The following SND1 variants were observed in gnomAD, a reference collection of about 807,000 sequenced individuals.
SND1 encodes staphylococcal nuclease domain-containing protein 1.
SND1 carries 38 observed loss-of-function variants against 121.7 expected under a neutral mutation model. That is an observed-to-expected ratio of 0.31 (90% CI 0.24 to 0.41). The LOEUF (loss-of-function observed/expected upper bound fraction) is 0.41. Ranked by LOEUF, SND1 falls within the 10% of genes least tolerant of loss-of-function variation. The pLI is 1.00. For synonymous variants in SND1, 401 were observed against 447.4 expected, an observed-to-expected ratio of 0.90 and a Z score of 1.31; for missense variants, 868 against 1,184.6, an observed-to-expected ratio of 0.73 and a Z score of 3.92.
In SND1 at chr7:127,652,439, C is replaced by T. The variant is rs774366494; in HGVS notation, c.66C>T (p.Gly22=). ...CCGCGGTCCCCACCGTGCAGCGGGG[C>T]ATCATCAAGATGGTGAGAACGGGCC... is the stretch of plus-strand genomic sequence containing the variant. ...GGPAVPTVQR[G]IIKMVLSGCA... The change falls in exon 1 of 24, where the codon GGC becomes GGT. Residue 22 remains glycine, a synonymous_variant. Transcript: ENST00000354725. 2.4e-5 allele frequency: 38 copies of T among 1,573,862 alleles called. No homozygotes were observed. Among genetic ancestry groups the T allele is most frequent in the Non-Finnish European group, 8.6e-7 (1 of 1,158,282 alleles).
chr7:127,707,774 T>A (rs1197435933), intron 9 of SND1, 127 bp downstream of exon 9: 2 of 374,562 alleles, frequency 5.3e-6, no homozygotes, highest in South Asian at 7.4e-5. Flanking sequence ...GGAGTGTGTG[T>A]GTGTGTGTGT....
chr7:127,778,735 A>G (rs1265111808), intron 10 of SND1, among the ~76,000 whole-genome samples: 1 of 152,172 alleles, frequency 6.6e-6, no homozygotes, highest in Non-Finnish European at 1.5e-5. Flanking sequence ...CTTATGCATA[A>G]TAGACATTTG....
At chr7:127,894,246 A>G (rs1391259083) in intron 13 of SND1, among the ~76,000 whole-genome samples, 13 of 152,164 alleles carry the variant, frequency 8.5e-5, no homozygotes, top group Admixed American at 7.9e-4. Flanking sequence ...AATTCCATTG[A>G]ATGAAGAGCT....
At chr7:127,905,490 C>T (rs749244426) in intron 14 of SND1, among the ~76,000 whole-genome samples, 17 of 152,038 alleles carry the variant, frequency 1.1e-4, no homozygotes, top group Non-Finnish European at 2.5e-4. Flanking sequence ...TTGTTGAGTG[C>T]CTGCTGTATG....
chr7:127,697,071 G>A (rs955923617), intron 3 of SND1, among the ~76,000 whole-genome samples: 1 of 152,136 alleles, frequency 6.6e-6, no homozygotes, highest in Non-Finnish European at 1.5e-5. Flanking sequence ...TATGATGGGA[G>A]AGAATGGTAA....
intron 16 of SND1, among the ~76,000 whole-genome samples, chr7:128,064,250 G>C (rs1452681142): frequency 1.3e-5 from 2 of 152,146 alleles, no homozygotes; most frequent in Non-Finnish European, 2.9e-5. Context: ...GTAAGTAGTA[G>C]AGCAAGCGCA....
intron 10 of SND1, among the ~76,000 whole-genome samples, chr7:127,797,663 T>C (rs919450457): frequency 6.6e-6 from 1 of 152,230 alleles, no homozygotes. Context: ...TCAGTGGGTG[T>C]GGGAGCCACT....
chr7:127,670,717 G>T (rs1018860561), intron 1 of SND1, among the ~76,000 whole-genome samples: 1 of 150,794 alleles, frequency 6.6e-6, no homozygotes, highest in Non-Finnish European at 1.5e-5. Flanking sequence ...GTCTCACTTT[G>T]TTGACCTAGC....
chr7:127,828,624 T>C (rs1310341252), intron 11 of SND1, among the ~76,000 whole-genome samples: 3 of 152,212 alleles, frequency 2.0e-5, no homozygotes, highest in African/African-American at 7.2e-5. Flanking sequence ...GCTTTGTTCT[T>C]CTTTCTTGTA....
chr7:127,819,038 AT>A (rs1223809058), intron 11 of SND1, among the ~76,000 whole-genome samples: 2 of 152,194 alleles, frequency 1.3e-5, no homozygotes, highest in East Asian at 3.9e-4. Context: ...CCATTTCTTC[AT>A]TTATAAAATG....
At chr7:127,712,786 C>A (rs1796319954) in intron 9 of SND1, among the ~76,000 whole-genome samples, 1 of 152,140 alleles carries the variant, frequency 6.6e-6, no homozygotes. Context: ...TCCCTTTTAT[C>A]TAGAGGTGTT....
At chr7:127,902,957 C>A (rs1190839996) in intron 13 of SND1, among the ~76,000 whole-genome samples, 3 of 152,076 alleles carry the variant, frequency 2.0e-5, no homozygotes, top group Non-Finnish European at 2.9e-5. Context: ...TCTTGGCTCA[C>A]TGCAACCTCC....
intron 16 of SND1, among the ~76,000 whole-genome samples, chr7:128,017,943 A>G (rs1803262201): frequency 6.6e-6 from 1 of 152,068 alleles, no homozygotes; most frequent in Admixed American, 6.5e-5. Flanking sequence ...TTTCTGCTTT[A>G]CTCTGGCACC....
chr7:127,796,441 T>C (rs2116553385), intron 10 of SND1, among the ~76,000 whole-genome samples: 1 of 152,330 alleles, frequency 6.6e-6, no homozygotes, highest in East Asian at 1.9e-4. Flanking sequence ...ATTTTGATAT[T>C]TCTAGGAATG....
At chr7:127,882,239 G>A (rs1358226871) in intron 12 of SND1, among the ~76,000 whole-genome samples, 1 of 151,666 alleles carries the variant, frequency 6.6e-6, no homozygotes, top group Non-Finnish European at 1.5e-5. Context: ...GGGTGACAGG[G>A]CATGACCCTG....
chr7:127,776,834 C>T (rs1797629740), intron 10 of SND1, among the ~76,000 whole-genome samples: 1 of 152,180 alleles, frequency 6.6e-6, no homozygotes, highest in Non-Finnish European at 1.5e-5. Flanking sequence ...CATTCACTCT[C>T]CTAGGCTAAA....
intron 16 of SND1, among the ~76,000 whole-genome samples, chr7:128,009,447 GACAACCAGATTCT>G (rs1481034344): frequency 3.3e-5 from 5 of 152,236 alleles, no homozygotes; most frequent in Non-Finnish European, 7.3e-5. Context: ...GATGGAAAAA[GACAACCAGATTCT>G]ACCAGTGCTG....
chr7:127,718,598 G>A, intron 9 of SND1: 1 of 985,426 alleles, frequency 1.0e-6, no homozygotes, highest in Non-Finnish European at 1.2e-6. Context: ...TAATCAGGGA[G>A]ATGCTGAGCA....
intron 16 of SND1, among the ~76,000 whole-genome samples, chr7:128,001,864 G>A (rs1802840585): frequency 6.6e-6 from 1 of 152,230 alleles, no homozygotes; most frequent in South Asian, 2.1e-4. Context: ...CCAGGAGGCG[G>A]AGGTTGCGGT....
Sources: allele counts gnomAD v4.1 joint callset (sites outside exome capture counted in the v4.1 genomes callset), GRCh38; gene constraint gnomAD v4.1.1; transcripts MANE v1.5; gene names NCBI Gene and HGNC (gene_info 2026-07-23, HGNC 2026-07-21).